Variants in SGCD observed in about 807,000 individuals in gnomAD.
SGCD encodes the protein delta-sarcoglycan.
Under a neutral mutation model 36.6 loss-of-function variants are expected in SGCD, and 18 were observed. That is an observed-to-expected ratio of 0.49 (90% CI 0.34 to 0.73). The LOEUF (loss-of-function observed/expected upper bound fraction) is 0.73. Among genes scored for constraint, SGCD ranks in the 30% least tolerant of loss-of-function variants. The pLI, the probability that SGCD is intolerant of heterozygous loss-of-function variation, is 0.01. For synonymous variants in SGCD, 133 were observed against 130.6 expected (o/e 1.02, Z -0.12); for missense variants, 387 against 346.7 (o/e 1.12, Z -0.92).
At chr5:155,861,960 C>A in the SGCD span, among the ~76,000 whole-genome samples, 4 of 152,104 alleles carry the variant, frequency 2.6e-5, no homozygotes, top group African/African-American at 9.7e-5. Context: ...TAGCTGCTCT[C>A]CCCCATCCTC....
intron 7 of SGCD, among the ~76,000 whole-genome samples, chr5:156,711,197 GA>G (rs1229844015): frequency 1.3e-5 from 2 of 152,130 alleles, no homozygotes; most frequent in Admixed American, 6.5e-5. Context: ...CCTTGGTCAA[GA>G]GGGGGGGTCC....
chr5:156,030,375 C>T (rs1042600844), intron 1 of SGCD, among the ~76,000 whole-genome samples: 18 of 151,994 alleles, frequency 1.2e-4, no homozygotes, highest in Admixed American at 9.8e-4. Flanking sequence ...ATAAGAGACC[C>T]ATAGTCATAG....
intron 3 of SGCD, among the ~76,000 whole-genome samples, chr5:156,132,859 T>C (rs1377928650): frequency 1.3e-5 from 2 of 152,230 alleles, no homozygotes; most frequent in Non-Finnish European, 2.9e-5. Context: ...AAATTTTGTC[T>C]CAGATAATAA....
intron 3 of SGCD, among the ~76,000 whole-genome samples, chr5:156,223,344 A>G (rs1764766565): frequency 6.6e-6 from 1 of 152,098 alleles, no homozygotes; most frequent in Non-Finnish European, 1.5e-5. Flanking sequence ...TTATAAGAGT[A>G]CCTAGAAACA....
At chr5:156,000,816 T>A (rs553904687) in intron 1 of SGCD, among the ~76,000 whole-genome samples, 8 of 148,442 alleles carry the variant, frequency 5.4e-5, no homozygotes, top group South Asian at 2.1e-4. Flanking sequence ...ATATATATAT[T>A]TTTGCCCTCC....
At chr5:156,244,505 C>A (rs998409960) in intron 3 of SGCD, among the ~76,000 whole-genome samples, 2 of 152,066 alleles carry the variant, frequency 1.3e-5, no homozygotes, top group African/African-American at 4.8e-5. Context: ...TAAAGTATAG[C>A]GTGGTAATGG....
At chr5:156,642,550 A>T (rs572321687) in intron 6 of SGCD, among the ~76,000 whole-genome samples, 1 of 146,724 alleles carries the variant, frequency 6.8e-6, no homozygotes, top group Non-Finnish European at 1.5e-5. Context: ...ACTCCCTGCA[A>T]TTCCAACTCC....
intron 3 of SGCD, among the ~76,000 whole-genome samples, chr5:156,245,572 A>G (rs1334416137): frequency 2.6e-5 from 4 of 152,192 alleles, no homozygotes; most frequent in African/African-American, 9.7e-5. Flanking sequence ...TATATTCCTT[A>G]ATGTAAAGCA....
intron 1 of SGCD, among the ~76,000 whole-genome samples, chr5:155,927,812 G>A (rs1239434638): frequency 6.6e-6 from 1 of 152,180 alleles, no homozygotes; most frequent in Non-Finnish European, 1.5e-5. Flanking sequence ...TGTCCAACAA[G>A]AGAATAACAT....
At chr5:156,757,931 C>A (rs1757403325) in intron 8 of SGCD, 5 of 1,296,722 alleles carry the variant, frequency 3.9e-6, no homozygotes, top group Non-Finnish European at 4.9e-6. Flanking sequence ...GGCATGTATT[C>A]CAAGTACAGA....
Position 156,173,823 on chromosome 5 carries a change from T to TA in SGCD, c.-44+49814dup, listed in dbSNP as rs58745959. Among the ~76,000 whole-genome samples, 1,384 of 150,134 alleles carry TA rather than the reference T, an allele frequency of 9.2e-3. 13 individuals carry two copies. Among genetic ancestry groups the TA allele is most frequent in the African/African-American group, 0.024 (1,006 of 41,064 alleles). ...CATGCTTATCCTTTTGATAGTAAATTAAAAAAAAAACACTGTATCTATAGT... is the reference window on the plus strand; with the variant it reads ...CATGCTTATCCTTTTGATAGTAAATTAAAAAAAAAAACACTGTATCTATAGT... On this transcript the variant is annotated intron_variant, in intron 3 of 9. Transcript: ENST00000517913.
At chr5:156,538,629 T>TA (rs932261195) in intron 4 of SGCD, among the ~76,000 whole-genome samples, 43 of 151,910 alleles carry the variant, frequency 2.8e-4, no homozygotes, top group African/African-American at 9.4e-4. Context: ...ATATAACACT[T>TA]AAAAAAAAGC....
chr5:155,765,847 G>A, the SGCD span, among the ~76,000 whole-genome samples: 2 of 152,150 alleles, frequency 1.3e-5, no homozygotes, highest in African/African-American at 4.8e-5. Flanking sequence ...CTCCTGGGAA[G>A]AAATTAAGCT....
At chr5:156,454,291 A>G (rs1405650518) in intron 3 of SGCD, among the ~76,000 whole-genome samples, 1 of 152,200 alleles carries the variant, frequency 6.6e-6, no homozygotes, top group Non-Finnish European at 1.5e-5. Flanking sequence ...GGGTCCAATC[A>G]TGAGATAGAA....
chr5:156,492,771 T>A (rs1015251081), intron 3 of SGCD, among the ~76,000 whole-genome samples: 3 of 152,148 alleles, frequency 2.0e-5, no homozygotes, highest in Non-Finnish European at 4.4e-5. Context: ...TGTCCATGTG[T>A]TCTCATTGTT....
the SGCD span, among the ~76,000 whole-genome samples, chr5:155,823,622 A>T: frequency 4.6e-5 from 7 of 152,136 alleles, no homozygotes; most frequent in African/African-American, 1.7e-4. Context: ...GCTCCGCGGG[A>T]ACACAATGTG....
intron 4 of SGCD, among the ~76,000 whole-genome samples, chr5:156,539,525 C>G (rs1581137812): frequency 6.6e-6 from 1 of 151,970 alleles, no homozygotes; most frequent in African/African-American, 2.4e-5. Context: ...TTTTCCATTC[C>G]TAAATTACTT....
the SGCD span, among the ~76,000 whole-genome samples, chr5:155,749,496 T>C: frequency 6.6e-6 from 1 of 152,254 alleles, no homozygotes; most frequent in Non-Finnish European, 1.5e-5. Flanking sequence ...CCTATAATCT[T>C]GTCTATTTAC....
the SGCD span, among the ~76,000 whole-genome samples, chr5:155,794,046 G>T: frequency 6.6e-6 from 1 of 151,558 alleles, no homozygotes; most frequent in Non-Finnish European, 1.5e-5. Context: ...GATTAGTGTT[G>T]AAGACATGCT....
Sources: allele counts gnomAD v4.1 joint callset (sites outside exome capture counted in the v4.1 genomes callset), GRCh38; gene constraint gnomAD v4.1.1; transcripts MANE v1.5; gene names NCBI Gene and HGNC (gene_info 2026-07-23, HGNC 2026-07-21).